ASB3: variants seen among roughly 807,000 people sequenced by gnomAD.
ASB3 encodes the protein ankyrin repeat and SOCS box protein 3.
A neutral mutation model predicts 54.5 loss-of-function variants in ASB3; 41 were observed. The ratio of observed to expected loss-of-function variants is 0.75; its 90% CI spans 0.59 to 0.98. ASB3 has a LOEUF of 0.98. ASB3 is among the 50% of genes least tolerant of loss of function. The pLI is 0.00. For synonymous variants in ASB3, 266 were observed against 221.2 expected, an observed-to-expected ratio of 1.20 and a Z score of -1.80; for missense variants, 733 against 620.0, an observed-to-expected ratio of 1.18 and a Z score of -1.94.
At chr2:53,683,853 A>G (rs1668504514) in intron 9 of ASB3, among the ~76,000 whole-genome samples, 1 of 151,650 alleles carries the variant, frequency 6.6e-6, no homozygotes, top group Non-Finnish European at 1.5e-5. Context: ...TTTTTTTCTT[A>G]GTCTGGCTAA....
chr2:53,745,465 A>G (rs1672171291), intron 3 of ASB3, among the ~76,000 whole-genome samples: 1 of 152,192 alleles, frequency 6.6e-6, no homozygotes, highest in Admixed American at 6.5e-5. Context: ...CTTTATTAAA[A>G]TGTTGGTGAG....
At chr2:53,737,006 A>C (rs1203439838) in intron 3 of ASB3, among the ~76,000 whole-genome samples, 1 of 152,184 alleles carries the variant, frequency 6.6e-6, no homozygotes, top group Non-Finnish European at 1.5e-5. Flanking sequence ...AATATGTCTA[A>C]AAGAAGATAT....
chr2:53,723,742 A>G (rs1480975147), intron 5 of ASB3, among the ~76,000 whole-genome samples: 1 of 152,218 alleles, frequency 6.6e-6, no homozygotes, highest in Non-Finnish European at 1.5e-5. Flanking sequence ...AGACACAAAG[A>G]CCAATGGAAT....
chr2:53,738,887 C>T (rs558732031), intron 3 of ASB3, among the ~76,000 whole-genome samples: 1 of 152,302 alleles, frequency 6.6e-6, no homozygotes, highest in South Asian at 2.1e-4. Context: ...GAAGGCAGAG[C>T]TCCAAGTGTC....
At chr2:53,783,883 G>A (rs921146895) in intron 1 of ASB3, among the ~76,000 whole-genome samples, 2 of 152,146 alleles carry the variant, frequency 1.3e-5, no homozygotes, top group African/African-American at 4.8e-5. Context: ...AAAAATCTAT[G>A]ACAAATGAGG....
At chr2:53,718,169 C>G (rs1670501787) in intron 5 of ASB3, among the ~76,000 whole-genome samples, 1 of 152,038 alleles carries the variant, frequency 6.6e-6, no homozygotes, top group Non-Finnish European at 1.5e-5. Flanking sequence ...GGAAGACATC[C>G]AGATAGAAGC....
chr2:53,747,424 T>C (rs1672286180), intron 3 of ASB3, among the ~76,000 whole-genome samples: 1 of 152,126 alleles, frequency 6.6e-6, no homozygotes, highest in Admixed American at 6.6e-5. Context: ...CGGGGGCTTG[T>C]AATCCCAGCT....
At chr2:53,755,446 TAGAGG>T (rs2104028592) in intron 2 of ASB3, among the ~76,000 whole-genome samples, 1 of 152,340 alleles carries the variant, frequency 6.6e-6, no homozygotes, top group South Asian at 2.1e-4. Context: ...AGGTTTTCAG[TAGAGG>T]AGATAGGTTA....
intron 5 of ASB3, among the ~76,000 whole-genome samples, chr2:53,724,817 C>T (rs1009715330): frequency 6.6e-6 from 1 of 151,954 alleles, no homozygotes; most frequent in Non-Finnish European, 1.5e-5. Flanking sequence ...CAAAGGGGAA[C>T]GCTTATACAT....
intron 7 of ASB3, among the ~76,000 whole-genome samples, chr2:53,702,744 G>A (rs934753695): frequency 3.3e-5 from 5 of 152,020 alleles, no homozygotes; most frequent in African/African-American, 4.8e-5. Flanking sequence ...AAACTATGCA[G>A]AAAAACAGTG....
Position 53,719,695 on chromosome 2 carries a change from G to A in ASB3, c.605-2952C>T, listed in dbSNP as rs1670593123. Among the ~76,000 whole-genome samples, 3 of 152,066 alleles carry A rather than the reference G, an allele frequency of 2.0e-5. No individual in the cohort carries two copies. In the South Asian group the frequency reaches 6.2e-4, roughly 32 times the overall value. On this transcript the variant is annotated intron_variant, in intron 5 of 9. Transcript: ENST00000263634. ...CACCCTAAAACCAATATATACTCAT[G>A]TACTTAGCCTGTAAGAGAAAGTGCT... is the stretch of plus-strand genomic sequence containing the variant.
At chr2:53,690,992 G>C (rs1445303446) in intron 9 of ASB3, among the ~76,000 whole-genome samples, 1 of 152,154 alleles carries the variant, frequency 6.6e-6, no homozygotes, top group Non-Finnish European at 1.5e-5. Flanking sequence ...GACCTGACCA[G>C]GAGTTGGCAA....
intron 3 of ASB3, among the ~76,000 whole-genome samples, chr2:53,746,841 G>A (rs953919946): frequency 3.3e-5 from 5 of 151,698 alleles, no homozygotes; most frequent in African/African-American, 1.2e-4. Context: ...ATACTATATT[G>A]GCCAGGCACG....
Position 53,693,799 on chromosome 2 carries a change from A to G in ASB3, c.1369+85T>C, listed in dbSNP as rs578067224. ...ATGTCTAATTTGTGTTCACCGATGAATCTTATCACTTAAAATTACAACACA... is the reference window on the plus strand; with the variant it reads ...ATGTCTAATTTGTGTTCACCGATGAGTCTTATCACTTAAAATTACAACACA... On this transcript the variant is annotated intron_variant, in intron 9 of 9. Coordinates refer to ENST00000263634, the MANE Select transcript of ASB3 (RefSeq NM_016115.5). The G allele has an allele frequency of 5.0e-4, 769 of 1,529,962 alleles. 1 individual carries two copies. Among genetic ancestry groups the G allele is most frequent in the Non-Finnish European group, 6.4e-4 (722 of 1,134,838 alleles). The allele number at this position is 1,529,962 out of a possible 1,614,324, so 94.8% of individuals were successfully genotyped here. A position where few individuals can be genotyped will look rare whatever the true frequency, so the allele number is the denominator to read the frequency against.
intron 5 of ASB3, among the ~76,000 whole-genome samples, chr2:53,726,585 C>CAT (rs749461698): frequency 2.7e-3 from 408 of 149,842 alleles, no homozygotes; most frequent in Non-Finnish European, 3.8e-3. Context: ...ATTAATTAAA[C>CAT]ATATATATAT....
intron 2 of ASB3, among the ~76,000 whole-genome samples, chr2:53,757,874 A>G (rs1672923706): frequency 1.3e-5 from 2 of 152,204 alleles, no homozygotes; most frequent in African/African-American, 4.8e-5. Context: ...TCCCTCTGCA[A>G]TACAATCTCC....
chr2:53,758,618 C>A (rs1164593436), intron 2 of ASB3, among the ~76,000 whole-genome samples: 1 of 152,164 alleles, frequency 6.6e-6, no homozygotes. Context: ...GCAGCCCGGA[C>A]CCCTTTCTTT....
chr2:53,758,152 T>G (rs1185243993), intron 2 of ASB3, among the ~76,000 whole-genome samples: 1 of 152,220 alleles, frequency 6.6e-6, no homozygotes, highest in African/African-American at 2.4e-5. Context: ...TGTGACCCTA[T>G]AACACTCCAA....
intron 5 of ASB3, among the ~76,000 whole-genome samples, chr2:53,720,011 G>A (rs1301820119): frequency 3.3e-5 from 5 of 151,960 alleles, no homozygotes; most frequent in Admixed American, 6.6e-5. Flanking sequence ...AAAAAGTTAC[G>A]TACCTCCCTC....
Sources: gnomAD v4.1 joint callset for allele counts (sites outside exome capture counted in the v4.1 genomes callset) on GRCh38, gnomAD v4.1.1 for gene constraint, MANE v1.5 for transcripts, NCBI Gene and HGNC (gene_info 2026-07-23, HGNC 2026-07-21) for gene names.